SLC25A18: variants seen among roughly 807,000 people sequenced by gnomAD.
SLC25A18 encodes the protein mitochondrial glutamate carrier 2.
In SLC25A18, 24 loss-of-function variants were observed where a neutral mutation model predicts 31.1. The observed-to-expected ratio is 0.77, with a 90% CI of 0.56 to 1.08. The LOEUF is 1.08. Among genes scored for constraint, SLC25A18 ranks in the 50% least tolerant of loss-of-function variants. The pLI, the probability that SLC25A18 is intolerant of heterozygous loss-of-function variation, is 0.00. For synonymous variants in SLC25A18, 173 were observed against 161.9 expected (o/e 1.07, Z -0.52); for missense variants, 371 against 418.5 (o/e 0.89, Z 0.99).
chr22:17,578,267 G>A (rs754368065), intron 2 of SLC25A18, among the ~76,000 whole-genome samples: 23 of 152,148 alleles, frequency 1.5e-4, no homozygotes, highest in Non-Finnish European at 1.9e-4. Context: ...CACTGTTCCC[G>A]GCCAAACTTA....
intron 6 of SLC25A18, among the ~76,000 whole-genome samples, chr22:17,583,039 C>T (rs2057423004): frequency 1.3e-5 from 2 of 150,276 alleles, no homozygotes; most frequent in South Asian, 4.2e-4. Context: ...GGCTCCACTG[C>T]ACTTCGGCGT....
At chr22:17,565,063 A>G (rs2056899660) in intron 1 of SLC25A18, among the ~76,000 whole-genome samples, 1 of 151,504 alleles carries the variant, frequency 6.6e-6, no homozygotes, top group Admixed American at 6.6e-5. Context: ...GTGCAGACTC[A>G]TTCTGTTTTT....
chr22:17,587,329 C>T (rs1216105396), intron 8 of SLC25A18, 28 bp downstream of exon 8: 1 of 1,598,470 alleles, frequency 6.3e-7, no homozygotes, highest in Admixed American at 1.7e-5. Flanking sequence ...TTCCCTAGGA[C>T]AAGTGCACGG....
At chr22:17,580,557 C>A (rs952899299) in intron 3 of SLC25A18, 4 of 989,998 alleles carry the variant, frequency 4.0e-6, no homozygotes, top group Non-Finnish European at 4.8e-6. Flanking sequence ...GGCATTCCCC[C>A]CCAGGCACGG....
intron 9 of SLC25A18, chr22:17,588,896 A>G (rs1446956319): frequency 6.9e-6 from 1 of 145,728 alleles, no homozygotes; most frequent in African/African-American, 2.6e-5. Context: ...CCTGTCTCTA[A>G]AAAAAAAAAA....
chr22:17,588,225 T>A (rs941837865), intron 9 of SLC25A18, 146 bp downstream of exon 9: 3 of 842,040 alleles, frequency 3.6e-6, no homozygotes, highest in Non-Finnish European at 5.4e-6. Flanking sequence ...AGAAAGTGGG[T>A]CCCAAGAGAC....
chr22:17,575,197 A>G (rs1296709044), intron 2 of SLC25A18, among the ~76,000 whole-genome samples: 1 of 151,890 alleles, frequency 6.6e-6, no homozygotes, highest in African/African-American at 2.4e-5. Flanking sequence ...GCCCTTAGTG[A>G]CTCTGCACAC....
At chr22:17,582,341 A>C (rs182972778) in intron 5 of SLC25A18, 17 of 378,870 alleles carry the variant, frequency 4.5e-5, no homozygotes, top group Non-Finnish European at 7.6e-5. Flanking sequence ...GCGCCACTGC[A>C]CTCCAGCCTG....
intron 1 of SLC25A18, among the ~76,000 whole-genome samples, chr22:17,563,953 G>A (rs2056869148): frequency 6.6e-6 from 1 of 152,182 alleles, no homozygotes; most frequent in Non-Finnish European, 1.5e-5. Flanking sequence ...CCGGGAGGGT[G>A]GAGTGTTGGT....
intron 3 of SLC25A18, chr22:17,580,465 T>C: frequency 1.1e-6 from 1 of 944,790 alleles, no homozygotes; most frequent in Middle Eastern, 5.3e-4. Flanking sequence ...TACTTTTGGC[T>C]GGAACTAGGT....
At chr22:17,565,533 C>T (rs759119692) in intron 1 of SLC25A18, among the ~76,000 whole-genome samples, 10 of 152,074 alleles carry the variant, frequency 6.6e-5, no homozygotes, top group Admixed American at 1.3e-4. Context: ...ACCGCAGCGC[C>T]TGGCTAATTT....
intron 2 of SLC25A18, among the ~76,000 whole-genome samples, chr22:17,579,073 T>C (rs1269689242): frequency 7.3e-6 from 1 of 137,462 alleles, no homozygotes; most frequent in Admixed American, 6.9e-5. Flanking sequence ...TTTTGTTTGT[T>C]TGTTTGTTTG....
chr22:17,589,468 G>A (rs1425411262), intron 9 of SLC25A18, 122 bp from the exon 10 acceptor site: 23 of 791,286 alleles, frequency 2.9e-5, no homozygotes, highest in Admixed American at 4.6e-5. Flanking sequence ...GAGCCACTGC[G>A]CCCGGCCTAT....
chr22:17,566,089 G>A (rs370756951), intron 1 of SLC25A18, among the ~76,000 whole-genome samples: 5 of 152,096 alleles, frequency 3.3e-5, no homozygotes, highest in African/African-American at 4.8e-5. Context: ...CTCTACATCC[G>A]CACCAATGCC....
chr22:17,588,277 A>G (rs1418964961), intron 9 of SLC25A18, 198 bp downstream of exon 9: 2 of 573,572 alleles, frequency 3.5e-6, no homozygotes, highest in African/African-American at 3.8e-5. Context: ...CTCGCCTTCA[A>G]GATGCTGATT....
At position 17,587,965 on chromosome 22, in the gene SLC25A18, A is replaced by G; in HGVS notation, c.616A>G (p.Asn206Asp). 1 of 1,614,182 alleles carries G rather than the reference A, an allele frequency of 6.2e-7. No homozygotes were observed. The highest frequency in any genetic ancestry group is 8.5e-7 in the Non-Finnish European group (1 of 1,180,042). The part of the protein sequence containing the change: ...FSIIYFPLFA[N>D]LNNLGFNELA... ...CATCATCTACTTCCCACTGTTTGCC[A>G]ACCTTAACAACCTGGGGTTCAACGA... Residue 206 changes from asparagine to aspartate, a missense_variant, in exon 9 of 11, where the codon AAC becomes GAC. Physicochemically the swap from Asn to Asp is conservative, Grantham distance 23 (BLOSUM62 1). Transcript: ENST00000327451.
chr22:17,582,332 C>T (rs566831537), intron 5 of SLC25A18: 89 of 341,226 alleles, frequency 2.6e-4, no homozygotes, highest in Admixed American at 7.8e-4. Context: ...GCCGAGATCG[C>T]GCCACTGCAC....
chr22:17,585,273 T>A (rs535354430), intron 7 of SLC25A18: 1 of 151,874 alleles, frequency 6.6e-6, no homozygotes, highest in East Asian at 1.9e-4. Context: ...GCCTGTAATC[T>A]CAGCTACTCG....
At position 17,579,940 on chromosome 22, in the gene SLC25A18, G is replaced by A. The variant is rs1189198654; in HGVS notation, c.-5G>A. 3.7e-6 allele frequency: 6 copies of A among 1,610,448 alleles called. No individual in the cohort carries two copies. The highest frequency in any genetic ancestry group is 1.6e-4 in the Middle Eastern group (1 of 6,076). ...TTGTGTCCTGGGATCCCCAGCCCCTGCAGAATGACCCACCAGGATCTGAGG... is the reference window on the plus strand; with the variant it reads ...TTGTGTCCTGGGATCCCCAGCCCCTACAGAATGACCCACCAGGATCTGAGG... On this transcript the variant is annotated 5_prime_UTR_variant, in exon 3 of 11. Coordinates refer to ENST00000327451, the MANE Select transcript of SLC25A18 (RefSeq NM_031481.3).
Sources: gnomAD v4.1 joint callset for allele counts (sites outside exome capture counted in the v4.1 genomes callset) on GRCh38, gnomAD v4.1.1 for gene constraint, MANE v1.5 for transcripts, NCBI Gene and HGNC (gene_info 2026-07-23, HGNC 2026-07-21) for gene names.